ZFHX3: variants seen among roughly 807,000 people sequenced by gnomAD.
ZFHX3 encodes the protein zinc finger homeobox protein 3.
ZFHX3 carries 42 observed loss-of-function variants against 279.1 expected under a neutral mutation model. The ratio of observed to expected loss-of-function variants is 0.15; its 90% confidence interval spans 0.12 to 0.19. The LOEUF (loss-of-function observed/expected upper bound fraction) is 0.19, where lower values mean the gene tolerates loss of function less well. Among genes scored for constraint, ZFHX3 ranks in the 10% least tolerant of loss-of-function variants. The pLI, the probability that ZFHX3 is intolerant of heterozygous loss-of-function variation, is 1.00. For synonymous variants in ZFHX3, 2,293 were observed against 1,957.8 expected (o/e 1.17, Z -4.52); for missense variants, 4,981 against 4,754.0 (o/e 1.05, Z -1.40).
At chr16:73,252,520 G>T (rs753944818) in intron 5 of ZFHX3, among the ~76,000 whole-genome samples, 4 of 152,180 alleles carry the variant, frequency 2.6e-5, no homozygotes, top group African/African-American at 7.2e-5. Flanking sequence ...TATGGGGGCG[G>T]AAGTGCAGGC....
intron 2 of ZFHX3, among the ~76,000 whole-genome samples, chr16:73,625,624 T>G (rs1054571358): frequency 1.3e-5 from 2 of 152,236 alleles, no homozygotes; most frequent in African/African-American, 4.8e-5. Flanking sequence ...TGGCTGGTTG[T>G]GAAAAGGAGG....
At chr16:73,382,963 C>T (rs1597310439) in intron 3 of ZFHX3, among the ~76,000 whole-genome samples, 1 of 152,026 alleles carries the variant, frequency 6.6e-6, no homozygotes, top group South Asian at 2.1e-4. Flanking sequence ...CTGAAGGAAC[C>T]GGTGAATTCT....
rs1232142442 is a variant in ZFHX3 at position 73,713,903 on chromosome 16, G to A, written c.-1607-33663C>T. Reference sequence around the variant, plus strand: ...AACTGCTTTCCCAATCTGTCAATGCGAGCATGAAAACCAATTCACAGCCTT... The same window carrying A: ...AACTGCTTTCCCAATCTGTCAATGCAAGCATGAAAACCAATTCACAGCCTT... On this transcript the variant is annotated intron_variant, in intron 1 of 17. Coordinates refer to the ZFHX3 transcript ENST00000641206. Among the ~76,000 whole-genome samples, 7 of 152,198 alleles carry A rather than the reference G, an allele frequency of 4.6e-5. No homozygotes were observed. In the South Asian group the frequency reaches 1.4e-3, roughly 32 times the overall value.
intron 2 of ZFHX3, among the ~76,000 whole-genome samples, chr16:73,571,310 AAAGT>A (rs66483588): frequency 0.14 from 21,115 of 152,090 alleles, 1,556 homozygotes; most frequent in African/African-American, 0.19. Flanking sequence ...AGATAGTATT[AAAGT>A]AAAAATGAAC....
At chr16:72,825,020 G>A (rs540478184) in intron 5 of ZFHX3, among the ~76,000 whole-genome samples, 8 of 152,352 alleles carry the variant, frequency 5.3e-5, no homozygotes, top group South Asian at 2.1e-4. Context: ...AGATGTGCCC[G>A]CAAGGGCCTG....
intron 2 of ZFHX3, among the ~76,000 whole-genome samples, chr16:73,527,421 G>A (rs1037815865): frequency 1.3e-5 from 2 of 152,192 alleles, no homozygotes; most frequent in Non-Finnish European, 2.9e-5. Flanking sequence ...AGACAGGCAA[G>A]AGGCAGGTCA....
rs2014534678 is a variant in ZFHX3, at chr16:73,284,300, G to C, written c.-1193-27164C>G. ...CCACTGCACTCCAGCCTGGGCAACA[G>C]AGTGAGACTCTGTCTCAAAAAAAAA... is the stretch of plus-strand genomic sequence containing the variant. On this transcript the variant is annotated intron_variant, in intron 4 of 17. Coordinates refer to the ZFHX3 transcript ENST00000641206. 3.7e-5 allele frequency among the ~76,000 whole-genome samples: 4 copies of C among 108,484 alleles called. No individual in the cohort carries two copies. In the South Asian group the frequency reaches 1.3e-3, roughly 35 times the overall value. 71.2% of individuals were successfully genotyped at this position (108,484 alleles called of 152,430 possible). A position where few individuals can be genotyped will look rare whatever the true frequency, so the allele number is the denominator to read the frequency against.
intron 3 of ZFHX3, among the ~76,000 whole-genome samples, chr16:73,338,944 T>TC (rs2015973032): frequency 6.6e-6 from 1 of 152,178 alleles, no homozygotes; most frequent in Admixed American, 6.6e-5. Context: ...GCTCTCTTCC[T>TC]CCTGCCTTCG....
intron 1 of ZFHX3, among the ~76,000 whole-genome samples, chr16:73,814,094 A>G (rs1960497164): frequency 1.3e-5 from 2 of 152,220 alleles, no homozygotes; most frequent in South Asian, 2.1e-4. Flanking sequence ...TTAAAAATGT[A>G]TATAATTGCA....
intron 4 of ZFHX3, among the ~76,000 whole-genome samples, chr16:73,269,209 G>A (rs997256731): frequency 6.6e-6 from 1 of 152,076 alleles, no homozygotes; most frequent in Non-Finnish European, 1.5e-5. Context: ...CCCCTTTAAA[G>A]TGTATGGATC....
intron 2 of ZFHX3, among the ~76,000 whole-genome samples, chr16:73,606,177 A>AT (rs2052179011): frequency 1.5e-5 from 1 of 67,236 alleles, no homozygotes; most frequent in Admixed American, 2.5e-4. Context: ...GCTAGGCTCC[A>AT]TCTAAAAAAA....
intron 8 of ZFHX3, among the ~76,000 whole-genome samples, chr16:72,799,194 G>A (rs867387224): frequency 5.3e-5 from 8 of 152,210 alleles, no homozygotes; most frequent in South Asian, 2.1e-4. Context: ...AAGAACTGCT[G>A]AACATCGTAA....
At chr16:72,973,046 C>T (rs1202753309) in intron 1 of ZFHX3, among the ~76,000 whole-genome samples, 3 of 152,206 alleles carry the variant, frequency 2.0e-5, no homozygotes, top group Non-Finnish European at 4.4e-5. Context: ...ACTGAAATTA[C>T]GAGCTGACTC....
intron 1 of ZFHX3, among the ~76,000 whole-genome samples, chr16:72,968,715 A>G (rs1326699105): frequency 6.6e-6 from 1 of 152,122 alleles, no homozygotes. Context: ...CGCCCACCTC[A>G]GCCTGTCAAA....
intron 1 of ZFHX3, among the ~76,000 whole-genome samples, chr16:73,011,667 G>A (rs1283888899): frequency 1.3e-5 from 2 of 151,876 alleles, no homozygotes; most frequent in Non-Finnish European, 2.9e-5. Flanking sequence ...AGGTCGCAGT[G>A]CATGGATATC....
intron 5 of ZFHX3, among the ~76,000 whole-genome samples, chr16:73,176,896 A>G (rs1339338361): frequency 6.6e-6 from 1 of 152,178 alleles, no homozygotes; most frequent in Non-Finnish European, 1.5e-5. Context: ...ATAAGCATAA[A>G]GGAAAGTGCC....
chr16:73,811,065 A>T lies in ZFHX3; in HGVS notation c.-1608+80586T>A, dbSNP rs141861687. Among the ~76,000 whole-genome samples, 61 of 152,322 alleles carry T rather than the reference A, an allele frequency of 4.0e-4. 1 individual carries two copies. In the East Asian group the frequency reaches 0.011, roughly 27 times the overall value. On this transcript the variant is annotated intron_variant, in intron 1 of 17. Transcript: ENST00000641206. Reference sequence around the variant, plus strand: ...ACTAAGGAACTTTAAAAATACAAAGATATCAAATAGAAAAAAAAAATTTCA... The same window carrying T: ...ACTAAGGAACTTTAAAAATACAAAGTTATCAAATAGAAAAAAAAAATTTCA...
At chr16:73,604,848 C>A (rs2052161285) in intron 2 of ZFHX3, among the ~76,000 whole-genome samples, 1 of 152,024 alleles carries the variant, frequency 6.6e-6, no homozygotes, top group African/African-American at 2.4e-5. Flanking sequence ...CTATAAGATA[C>A]CAGTTTTGGT....
intron 5 of ZFHX3, among the ~76,000 whole-genome samples, chr16:72,818,557 A>G (rs150314655): frequency 3.0e-4 from 46 of 152,278 alleles, no homozygotes; most frequent in African/African-American, 1.0e-3. Flanking sequence ...TCTGCCTCCA[A>G]CCAAGCACTT....
Sources: allele counts gnomAD v4.1 joint callset (sites outside exome capture counted in the v4.1 genomes callset), GRCh38; gene constraint gnomAD v4.1.1; transcripts MANE v1.5; gene names NCBI Gene and HGNC (gene_info 2026-07-23, HGNC 2026-07-21).